Variants in NDC1 observed in about 807,000 individuals in gnomAD.
NDC1 encodes NDC1 transmembrane nucleoporin, also known as nucleoporin NDC1.
In NDC1, 24 loss-of-function variants were observed where a neutral mutation model predicts 89.8. The observed-to-expected ratio is 0.27, with a 90% CI of 0.19 to 0.38. The LOEUF (loss-of-function observed/expected upper bound fraction) is 0.38. NDC1 is among the 10% of genes least tolerant of loss of function. NDC1 has a pLI of 1.00. For missense variants in NDC1, 728 were observed against 797.6 expected, an observed-to-expected ratio of 0.91 and a Z score of 1.05; for synonymous variants, 296 against 284.8, an observed-to-expected ratio of 1.04 and a Z score of -0.39.
At chr1:53,772,204 A>T in intron 17 of NDC1, 125 bp downstream of exon 17, 1 of 822,216 alleles carries the variant, frequency 1.2e-6, no homozygotes, top group Non-Finnish European at 1.9e-6. Flanking sequence ...CTGTAAGTTT[A>T]CAGTGAGAAT....
At chr1:53,810,293 A>G (rs1037459213) in intron 6 of NDC1, among the ~76,000 whole-genome samples, 1 of 152,224 alleles carries the variant, frequency 6.6e-6, no homozygotes, top group Admixed American at 6.5e-5. Flanking sequence ...TCAGCAGCAC[A>G]TATACTAAAA....
chr1:53,833,603 T>C (rs1649135481), intron 2 of NDC1, among the ~76,000 whole-genome samples: 1 of 152,036 alleles, frequency 6.6e-6, no homozygotes, highest in African/African-American at 2.4e-5. Flanking sequence ...AAGCCATACA[T>C]TACATCATCT....
intron 3 of NDC1, among the ~76,000 whole-genome samples, chr1:53,831,107 C>G (rs938113555): frequency 2.0e-5 from 3 of 151,736 alleles, no homozygotes; most frequent in Admixed American, 2.0e-4. Flanking sequence ...TGCCTGTAGT[C>G]CCAGCTACTT....
In NDC1 at chr1:53,804,030, A is replaced by G; in HGVS notation, c.985-21T>C. The G allele has an allele frequency of 3.8e-6, 6 of 1,571,046 alleles. No individual in the cohort carries two copies. The South Asian group carries it at 4.5e-5, about 12-fold the overall frequency. On this transcript the variant is annotated intron_variant, in intron 9 of 17. Transcript: ENST00000371429. ...AAATACTAACAGGGGGAAAAAACAC[A>G]TATTATTTAATTTTTTTTAACCTCT...
chr1:53,794,980 T>C (rs1332315646), intron 13 of NDC1, among the ~76,000 whole-genome samples: 1 of 152,202 alleles, frequency 6.6e-6, no homozygotes, highest in African/African-American at 2.4e-5. Flanking sequence ...GTGGTTTTTC[T>C]TGTGGTCTCC....
At chr1:53,802,445 C>T (rs753549864) in intron 10 of NDC1, among the ~76,000 whole-genome samples, 8 of 152,036 alleles carry the variant, frequency 5.3e-5, no homozygotes, top group African/African-American at 9.7e-5. Flanking sequence ...AGCAGGAGAA[C>T]TGCTTGACCC....
chr1:53,811,793 C>T (rs1648316170), intron 6 of NDC1, among the ~76,000 whole-genome samples: 1 of 152,054 alleles, frequency 6.6e-6, no homozygotes, highest in East Asian at 1.9e-4. Context: ...TGGCAGGAGG[C>T]CCAATCAGCA....
At chr1:53,835,785 G>T (rs41305860) in intron 1 of NDC1, among the ~76,000 whole-genome samples, 165 bp from the exon 2 acceptor site, 16,190 of 152,120 alleles carry the variant, frequency 0.11, 941 homozygotes, top group Non-Finnish European at 0.13. Context: ...AGAATTTATA[G>T]TATCAGTGAG....
intron 6 of NDC1, among the ~76,000 whole-genome samples, 184 bp from the exon 7 acceptor site, chr1:53,809,930 C>T (rs756227591): frequency 6.6e-6 from 1 of 152,140 alleles, no homozygotes; most frequent in Non-Finnish European, 1.5e-5. Flanking sequence ...TTGCTTTGTA[C>T]AGTTCTGATA....
intron 5 of NDC1, among the ~76,000 whole-genome samples, chr1:53,824,024 G>C (rs935794222): frequency 6.6e-6 from 1 of 151,822 alleles, no homozygotes; most frequent in African/African-American, 2.4e-5. Flanking sequence ...TATCGTTTGA[G>C]TCCAGGAGTC....
rs1647730994 is a variant in NDC1 at position 53,796,995 on chromosome 1, G to A, written c.1372C>T (p.Arg458Trp). The A allele has an allele frequency of 9.3e-6, 15 of 1,614,102 alleles. No homozygotes were observed. The highest frequency in any genetic ancestry group is 1.3e-5 in the Non-Finnish European group (15 of 1,179,998). ...TTTACATCAAAAATTCCAGCCATCC[G>A]ATTCATTACACTAGAGCCAAATGGG... is the stretch of plus-strand genomic sequence containing the variant. ...GTPFGSSVMN[R>W]MAGIFDVNTC... The change falls in exon 12 of 18, where the codon CGG becomes TGG. Residue 458 changes from arginine to tryptophan, a missense_variant. Arg to Trp is a moderately radical substitution (Grantham distance 101, BLOSUM62 -3). Coordinates refer to ENST00000371429, the MANE Select transcript of NDC1 (RefSeq NM_018087.5).
At chr1:53,796,547 T>C (rs770499205) in intron 13 of NDC1, 142 bp downstream of exon 13, 36 of 544,432 alleles carry the variant, frequency 6.6e-5, no homozygotes, top group Non-Finnish European at 9.5e-5. Flanking sequence ...CAGTCAAATA[T>C]TGGCTGTTTC....
At chr1:53,803,595 G>C (rs916381675) in intron 10 of NDC1, among the ~76,000 whole-genome samples, 1 of 151,006 alleles carries the variant, frequency 6.6e-6, no homozygotes, top group African/African-American at 2.4e-5. Context: ...TTTTTGAGAC[G>C]GAGTCTCACT....
At chr1:53,832,092 C>T (rs190555472) in intron 3 of NDC1, among the ~76,000 whole-genome samples, 9 of 152,106 alleles carry the variant, frequency 5.9e-5, no homozygotes, top group Non-Finnish European at 1.3e-4. Context: ...CACAGTTCTG[C>T]GGCATAAGTA....
At chr1:53,811,258 G>A (rs955539797) in intron 6 of NDC1, among the ~76,000 whole-genome samples, 1 of 152,168 alleles carries the variant, frequency 6.6e-6, no homozygotes, top group Non-Finnish European at 1.5e-5. Flanking sequence ...ATTTAAATGG[G>A]GCAAGAAGCC....
chr1:53,773,144 T>A (rs1351470777), intron 16 of NDC1, among the ~76,000 whole-genome samples: 3 of 152,106 alleles, frequency 2.0e-5, no homozygotes, highest in African/African-American at 7.2e-5. Flanking sequence ...AAATAGTTAT[T>A]CACTAAATAG....
intron 7 of NDC1, among the ~76,000 whole-genome samples, chr1:53,809,482 G>GCTGGGACTACAGGCAAGTAC (rs1299750357): frequency 6.6e-6 from 1 of 152,018 alleles, no homozygotes; most frequent in African/African-American, 2.4e-5. Context: ...CTCCCAAGTA[G>GCTGGGACTACAGGCAAGTAC]CTGGGACTAC....
In NDC1 at chr1:53,766,865, TG is replaced by T. The variant is rs1273847933; in HGVS notation, c.*1104del. ...ATCTATGACTAGGATTTCCAATCTTTGATCTCCAAAGAAGCTGATCTAATAA... is the reference window on the plus strand; with the variant it reads ...ATCTATGACTAGGATTTCCAATCTTTATCTCCAAAGAAGCTGATCTAATAA... On this transcript the variant is annotated 3_prime_UTR_variant, in exon 18 of 18. Transcript: ENST00000371429. 6.6e-6 allele frequency: 1 copy of T among 152,250 alleles called. No individual in the cohort carries two copies. Among genetic ancestry groups the T allele is most frequent in the South Asian group, 2.1e-4 (1 of 4,836 alleles). The allele number at this position is 152,250 out of a possible 1,614,324, so 9.4% of individuals were successfully genotyped here. A position where few individuals can be genotyped will look rare whatever the true frequency, so the allele number is the denominator to read the frequency against.
Position 53,838,247 on chromosome 1 carries a change from C to G in NDC1, c.15G>C (p.Val5=), listed in dbSNP as rs1489602918. The G allele has an allele frequency of 6.5e-7, 1 of 1,537,180 alleles. No homozygotes were observed. MATA[V]SRPCAGRSRD... ...GCGACCTGCCGGCGCAGGGCCGGCTCACGGCCGTGGCCATGGAGATGGCGG... is the reference window on the plus strand; with the variant it reads ...GCGACCTGCCGGCGCAGGGCCGGCTGACGGCCGTGGCCATGGAGATGGCGG... The change falls in exon 1 of 18, where the codon GTG becomes GTC. Residue 5 remains valine (V), a synonymous_variant. Coordinates refer to ENST00000371429, the MANE Select transcript of NDC1 (RefSeq NM_018087.5).
Sources: allele counts gnomAD v4.1 joint callset (sites outside exome capture counted in the v4.1 genomes callset), GRCh38; gene constraint gnomAD v4.1.1; transcripts MANE v1.5; gene names NCBI Gene and HGNC (gene_info 2026-07-23, HGNC 2026-07-21).